Variants in IRAG1 observed in about 807,000 individuals in gnomAD.
IRAG1 encodes IP3R-associated cGMP kinase substrate.
In IRAG1, 62 loss-of-function variants were observed where a neutral mutation model predicts 106.2. The observed-to-expected ratio is 0.58, with a 90% confidence interval of 0.48 to 0.72. IRAG1 has a LOEUF of 0.72. IRAG1 is among the 30% of genes least tolerant of loss of function. The pLI, the probability that IRAG1 is intolerant of heterozygous loss-of-function variation, is 0.00. For synonymous variants in IRAG1, 462 were observed against 443.9 expected (o/e 1.04, Z -0.51); for missense variants, 1,064 against 1,140.7 (o/e 0.93, Z 0.97).
chr11:10,644,980 G>A (rs573559915), intron 2 of IRAG1, among the ~76,000 whole-genome samples: 1 of 152,278 alleles, frequency 6.6e-6, no homozygotes, highest in South Asian at 2.1e-4. Flanking sequence ...CATAGACAGC[G>A]CAGAACAAGT....
intron 15 of IRAG1, among the ~76,000 whole-genome samples, chr11:10,600,410 C>G (rs1853860772): frequency 6.6e-6 from 1 of 152,214 alleles, no homozygotes; most frequent in African/African-American, 2.4e-5. Context: ...ATGGGGTTTT[C>G]TATCCCTGCT....
Position 10,576,353 on chromosome 11 carries a change from A to T in IRAG1, c.2718T>A (p.His906Gln), listed in dbSNP as rs528415014. Residue 906 changes from histidine (H) to glutamine (Q), a missense_variant, in exon 21 of 21, where the codon CAT becomes CAA. Physicochemically the swap from His to Gln is conservative, Grantham distance 24. Coordinates refer to ENST00000423302, the MANE Select transcript of IRAG1 (RefSeq NM_130385.4). ...TTTCCTACTGCTCTGTAGGCTGCTC[A>T]TGCTGGAGTCCTGAGCTCCACCAGG... ...RDSWWSSGLQ[H>Q]EQPTEQ 66 of 1,613,764 alleles carry T rather than the reference A, an allele frequency of 4.1e-5. No individual in the cohort carries two copies. The highest frequency in any genetic ancestry group is 5.2e-5 in the Non-Finnish European group (61 of 1,179,868).
chr11:10,626,646 A>G (rs1488958261), intron 8 of IRAG1, 63 bp from the exon 9 acceptor site: 1 of 1,506,466 alleles, frequency 6.6e-7, no homozygotes, highest in South Asian at 1.3e-5. Flanking sequence ...AGGTGAGGCC[A>G]CTTCTGCTGT....
chr11:10,629,752 C>T (rs371542998), intron 4 of IRAG1, 41 bp from the exon 5 acceptor site: 49 of 1,592,992 alleles, frequency 3.1e-5, no homozygotes, highest in Admixed American at 1.0e-4. Flanking sequence ...CCACTGCATC[C>T]GTGGCCCCAG....
At chr11:10,601,124 G>A (rs928797411) in intron 14 of IRAG1, 65 bp from the exon 15 acceptor site, 1 of 1,598,970 alleles carries the variant, frequency 6.3e-7, no homozygotes, top group African/African-American at 1.3e-5. Context: ...GCACTTATTT[G>A]CTCTGACCTA....
intron 15 of IRAG1, among the ~76,000 whole-genome samples, chr11:10,598,357 G>A (rs1445450435): frequency 3.3e-5 from 5 of 152,214 alleles, no homozygotes; most frequent in Non-Finnish European, 7.3e-5. Context: ...TTGTCCAGCA[G>A]CAATTTCTAA....
At chr11:10,658,107 G>A (rs1209072463) in intron 1 of IRAG1, among the ~76,000 whole-genome samples, 1 of 152,242 alleles carries the variant, frequency 6.6e-6, no homozygotes, top group African/African-American at 2.4e-5. Context: ...CAGGAGAGAG[G>A]ATGCTCCCCA....
At position 10,576,555 on chromosome 11, in the gene IRAG1, T is replaced by C; in HGVS notation, c.2516A>G (p.His839Arg). The C allele has an allele frequency of 1.2e-6, 2 of 1,613,980 alleles. No individual in the cohort carries two copies. The highest frequency in any genetic ancestry group is 1.7e-6 in the Non-Finnish European group (2 of 1,179,880). Residue 839 changes from histidine to arginine, a missense_variant, in exon 21 of 21, where the codon CAT becomes CGT. Transcript: ENST00000423302. ...TTTGGGATACATGACTTGTAAGAAA[T>C]GGACCAATTCTTCAAGTTTGCTGTC... ...PRSSKLEELV[H>R]FLQVMYPKLC...
intron 1 of IRAG1, among the ~76,000 whole-genome samples, chr11:10,689,061 T>C (rs1266823738): frequency 2.0e-5 from 3 of 152,228 alleles, no homozygotes; most frequent in African/African-American, 7.2e-5. Context: ...GCTACCATTG[T>C]CATTACTTTT....
intron 3 of IRAG1, 82 bp downstream of exon 3, chr11:10,633,886 G>C (rs1856932461): frequency 1.3e-6 from 1 of 751,014 alleles, no homozygotes; most frequent in Admixed American, 3.5e-5. Flanking sequence ...AAAAAGAAAA[G>C]ATTTATTTAA....
At chr11:10,681,947 G>A (rs867141675) in intron 1 of IRAG1, among the ~76,000 whole-genome samples, 8 of 151,824 alleles carry the variant, frequency 5.3e-5, no homozygotes, top group East Asian at 1.9e-4. Flanking sequence ...ACTCTCTCCC[G>A]GCCTGAAAAA....
rs761553562 is a variant in IRAG1 at position 10,669,583 on chromosome 11, T to C, written c.68-17401A>G. 3.3e-5 allele frequency among the ~76,000 whole-genome samples: 5 copies of C among 152,320 alleles called. No homozygotes were observed. The East Asian group carries it at 5.8e-4, about 18-fold the overall frequency. ...ATCTTCAGAAGATAAGAAAATGCCA[T>C]GGTGTGGAAAACTCTGTGCTGGATG... On this transcript the variant is annotated intron_variant, in intron 1 of 20. Coordinates refer to ENST00000423302, the MANE Select transcript of IRAG1 (RefSeq NM_130385.4).
chr11:10,576,749 A>T (rs545384157), intron 20 of IRAG1, among the ~76,000 whole-genome samples, 174 bp from the exon 21 acceptor site: 2 of 152,320 alleles, frequency 1.3e-5, no homozygotes, highest in African/African-American at 4.8e-5. Flanking sequence ...AAGCATACTA[A>T]ATGAGAATAT....
intron 1 of IRAG1, among the ~76,000 whole-genome samples, chr11:10,680,404 G>GGAAGGAAAGAAAGGGAAA (rs71034778): frequency 1.2e-5 from 1 of 82,090 alleles, no homozygotes; most frequent in African/African-American, 5.9e-5. Context: ...AAGGAAGGAA[G>GGAAGGAAAGAAAGGGAAA]GAAAGAAAGG....
rs370198566 is a variant in IRAG1, at chr11:10,626,014, C to T, written c.1320G>A (p.Gln440=). 6.6e-7 allele frequency: 1 copy of T among 1,507,460 alleles called. No individual in the cohort carries two copies. Among genetic ancestry groups the T allele is most frequent in the Non-Finnish European group, 8.9e-7 (1 of 1,128,150 alleles). 93.4% of individuals were successfully genotyped at this position (1,507,460 alleles called of 1,614,324 possible). ...GCATCCGCACGGGCTGCACTTGTATCTGAAAGTCTTTGAGACCAGGGGCCT... is the reference window on the plus strand; with the variant it reads ...GCATCCGCACGGGCTGCACTTGTATTTGAAAGTCTTTGAGACCAGGGGCCT... ...LAKAPGLKDF[Q]IQVQPVRMQK... The change falls in exon 9 of 21, where the codon CAG becomes CAA. Residue 440 remains glutamine, a synonymous_variant. Transcript: ENST00000423302.
At chr11:10,693,282 T>C (rs1862205828) in intron 1 of IRAG1, among the ~76,000 whole-genome samples, 1 of 152,196 alleles carries the variant, frequency 6.6e-6, no homozygotes, top group Non-Finnish European at 1.5e-5. Context: ...CCCTGAGCTG[T>C]GCACACTTTC....
chr11:10,626,137 A>G lies in IRAG1; in HGVS notation c.1197T>C (p.Pro399=), dbSNP rs1591631368. The part of the protein sequence containing the change: ...LLRGLSWDSG[P]EEPGPRLQKV... ...TCTGCAGCCGGGGGCCAGGTTCTTC[A>G]GGGCCACTGTCCCAGGAGAGCCCTC... Residue 399 remains proline (P), a synonymous_variant, in exon 9 of 21, where the codon CCT becomes CCC. Transcript: ENST00000423302. 3 of 1,537,256 alleles carry G rather than the reference A, an allele frequency of 2.0e-6. No homozygotes were observed. In the East Asian group the frequency reaches 6.8e-5, roughly 35 times the overall value.
chr11:10,616,977 G>C (rs1031927773), intron 10 of IRAG1: 9 of 964,972 alleles, frequency 9.3e-6, no homozygotes, highest in Non-Finnish European at 3.7e-6. Context: ...TCTGAAAGAT[G>C]CTCTGAGTCC....
chr11:10,579,169 A>G (rs965239468), intron 20 of IRAG1, among the ~76,000 whole-genome samples: 3 of 152,198 alleles, frequency 2.0e-5, no homozygotes, highest in Non-Finnish European at 4.4e-5. Flanking sequence ...CAGTTCTCCT[A>G]ACGGCTCTTC....
Sources: allele counts gnomAD v4.1 joint callset (sites outside exome capture counted in the v4.1 genomes callset), GRCh38; gene constraint gnomAD v4.1.1; transcripts MANE v1.5; gene names NCBI Gene and HGNC (gene_info 2026-07-23, HGNC 2026-07-21).